TRAK2: variants seen among roughly 807,000 people sequenced by gnomAD.
TRAK2 encodes trafficking kinesin protein 2.
In TRAK2, 81 loss-of-function variants were observed where a neutral mutation model predicts 104.6. That is an observed-to-expected ratio of 0.77 (90% confidence interval 0.65 to 0.93). The LOEUF is 0.93. Among genes scored for constraint, TRAK2 ranks in the 40% least tolerant of loss-of-function variants. TRAK2 has a pLI of 0.00. For synonymous variants in TRAK2, 406 were observed against 394.4 expected, an observed-to-expected ratio of 1.03 and a Z score of -0.35; for missense variants, 1,002 against 1,089.0, an observed-to-expected ratio of 0.92 and a Z score of 1.12.
chr2:201,430,534 G>A (rs1183620634), intron 1 of TRAK2, among the ~76,000 whole-genome samples: 1 of 152,198 alleles, frequency 6.6e-6, no homozygotes, highest in South Asian at 2.1e-4. Context: ...AATGGCGGAC[G>A]CCCCTCCCCC....
chr2:201,410,305 CA>C (rs1279545251), intron 2 of TRAK2, among the ~76,000 whole-genome samples: 53 of 114,120 alleles, frequency 4.6e-4, no homozygotes, highest in Non-Finnish European at 2.8e-4. Context: ...GACTCCGTCT[CA>C]AAAAAAAAAA....
intron 1 of TRAK2, among the ~76,000 whole-genome samples, chr2:201,446,147 G>C (rs138599044): frequency 6.3e-4 from 95 of 150,526 alleles, no homozygotes; most frequent in Admixed American, 1.1e-3. Flanking sequence ...CTCACTCCCC[G>C]AGAATTCTCT....
rs148889269 is a variant in TRAK2 at position 201,380,810 on chromosome 2, A to G, written c.2478T>C (p.Asp826=). 1.9e-5 allele frequency: 30 copies of G among 1,614,074 alleles called. No individual in the cohort carries two copies. The South Asian group carries it at 3.3e-4, about 18-fold the overall frequency. Residue 826 remains aspartate (D), a synonymous_variant, in exon 16 of 16, where the codon GAT becomes GAC. Transcript: ENST00000332624. ...YGLRPSRNPP[D]VGQLKMNLVD... ...CTAAGTTCATCTTCAACTGGCCAAC[A>G]TCAGGAGGGTTCCGGGAGGGTCTCA...
At chr2:201,424,903 G>A (rs192968158) in intron 1 of TRAK2, among the ~76,000 whole-genome samples, 67 of 152,166 alleles carry the variant, frequency 4.4e-4, no homozygotes, top group African/African-American at 1.3e-3. Context: ...CACTGCGCCC[G>A]GCCTGCCACC....
At chr2:201,423,906 T>C (rs1218964392) in intron 1 of TRAK2, among the ~76,000 whole-genome samples, 2 of 152,222 alleles carry the variant, frequency 1.3e-5, no homozygotes, top group African/African-American at 4.8e-5. Flanking sequence ...TCTTGAAATA[T>C]GTTTGCCAGT....
chr2:201,448,810 G>A (rs1029767475), intron 1 of TRAK2, among the ~76,000 whole-genome samples: 1 of 152,102 alleles, frequency 6.6e-6, no homozygotes, highest in Non-Finnish European at 1.5e-5. Flanking sequence ...TGCCATCATC[G>A]CTCAAGGGAT....
At chr2:201,399,135 G>A (rs1212853380) in intron 5 of TRAK2, among the ~76,000 whole-genome samples, 2 of 152,000 alleles carry the variant, frequency 1.3e-5, no homozygotes, top group African/African-American at 2.4e-5. Context: ...TCTAAGCAGG[G>A]TGCCACAGGT....
chr2:201,404,413 G>A (rs1951575766), intron 3 of TRAK2, among the ~76,000 whole-genome samples: 1 of 152,098 alleles, frequency 6.6e-6, no homozygotes, highest in Non-Finnish European at 1.5e-5. Context: ...GAACAATTTT[G>A]CAACTTGGTT....
At chr2:201,384,004 CATTA>C in intron 15 of TRAK2, 103 bp downstream of exon 15, 1 of 733,232 alleles carries the variant, frequency 1.4e-6, no homozygotes, top group South Asian at 1.7e-5. Context: ...TATCACAGAA[CATTA>C]ATTAACATTC....
At chr2:201,419,675 T>C (rs1951723675) in intron 2 of TRAK2, among the ~76,000 whole-genome samples, 1 of 152,194 alleles carries the variant, frequency 6.6e-6, no homozygotes. Flanking sequence ...TCGAACTGTA[T>C]ACTTAAAATG....
chr2:201,414,358 CCT>C (rs1169129479), intron 2 of TRAK2, among the ~76,000 whole-genome samples: 1 of 152,142 alleles, frequency 6.6e-6, no homozygotes, highest in Non-Finnish European at 1.5e-5. Flanking sequence ...TCATATCAAC[CCT>C]CTCACTTTTA....
Position 201,378,657 on chromosome 2 carries a change from T to C in TRAK2, c.*1886A>G, listed in dbSNP as rs1429199849. The C allele has an allele frequency of 6.6e-6, 1 of 152,194 alleles. No individual in the cohort carries two copies. Among genetic ancestry groups the C allele is most frequent in the Non-Finnish European group, 1.5e-5 (1 of 68,036 alleles). The allele number at this position is 152,194 out of a possible 1,614,324, so 9.4% of individuals were successfully genotyped here. A position where few individuals can be genotyped will look rare whatever the true frequency, so the allele number is the denominator to read the frequency against. ...TGCCTGCCCCATTCAGGGACACTTA[T>C]ATTCACATATAAACCTGCTGGAATC... On this transcript the variant is annotated 3_prime_UTR_variant, in exon 16 of 16. Coordinates refer to ENST00000332624, the MANE Select transcript of TRAK2 (RefSeq NM_015049.3).
chr2:201,387,103 G>A (rs961310317), intron 13 of TRAK2, among the ~76,000 whole-genome samples: 1 of 152,184 alleles, frequency 6.6e-6, no homozygotes, highest in African/African-American at 2.4e-5. Flanking sequence ...CTTTGAGTTT[G>A]AGGGGTCTTT....
rs761326643 is a variant in TRAK2 at position 201,399,507 on chromosome 2, A to G, written c.364-14T>C. The G allele has an allele frequency of 6.3e-7, 1 of 1,591,468 alleles. No homozygotes were observed. Among genetic ancestry groups the G allele is most frequent in the East Asian group, 2.2e-5 (1 of 44,684 alleles). ...ATCACGATCCCTCTGTTAAAATACCAAATACACCTTTTCTTTGAGTATAAA... is the reference window on the plus strand; with the variant it reads ...ATCACGATCCCTCTGTTAAAATACCGAATACACCTTTTCTTTGAGTATAAA... On this transcript the variant is annotated splice_polypyrimidine_tract_variant and intron_variant, in intron 4 of 15. Transcript: ENST00000332624.
At chr2:201,399,620 C>A in intron 4 of TRAK2, 127 bp from the exon 5 acceptor site, 4 of 653,728 alleles carry the variant, frequency 6.1e-6, no homozygotes, top group Non-Finnish European at 1.1e-5. Flanking sequence ...TTCATTCATT[C>A]ATTAAAATGA....
At chr2:201,431,511 T>A (rs1457644897) in intron 1 of TRAK2, among the ~76,000 whole-genome samples, 2 of 152,232 alleles carry the variant, frequency 1.3e-5, no homozygotes, top group African/African-American at 4.8e-5. Flanking sequence ...CTGCGTAGCA[T>A]CTTCAAGTTT....
intron 9 of TRAK2, among the ~76,000 whole-genome samples, chr2:201,394,416 A>G (rs1426849159): frequency 2.1e-5 from 3 of 142,788 alleles, no homozygotes. Context: ...ATCTGGGCCC[A>G]CTGCAATCTC....
chr2:201,397,945 C>T, intron 6 of TRAK2, 200 bp downstream of exon 6: 1 of 561,018 alleles, frequency 1.8e-6, no homozygotes. Flanking sequence ...CACTATTGTA[C>T]TGTCAACCTG....
chr2:201,420,339 G>A, intron 2 of TRAK2, 78 bp downstream of exon 2: 1 of 1,203,798 alleles, frequency 8.3e-7, no homozygotes, highest in South Asian at 1.2e-5. Flanking sequence ...ATCATGATAG[G>A]TCATATATGC....
Sources: allele counts gnomAD v4.1 joint callset (sites outside exome capture counted in the v4.1 genomes callset), GRCh38; gene constraint gnomAD v4.1.1; transcripts MANE v1.5; gene names NCBI Gene and HGNC (gene_info 2026-07-23, HGNC 2026-07-21).